The following MAPKAPK3 variants were observed in gnomAD, a reference collection of about 807,000 sequenced individuals.
MAPKAPK3 encodes MAP kinase-activated protein kinase 3.
Under a neutral mutation model 49.2 loss-of-function variants are expected in MAPKAPK3, and 35 were observed. The observed-to-expected ratio is 0.71, with a 90% CI of 0.54 to 0.94. MAPKAPK3 has a LOEUF of 0.94. Among genes scored for constraint, MAPKAPK3 ranks in the 40% least tolerant of loss-of-function variants. The pLI is 0.00. For synonymous variants in MAPKAPK3, 178 were observed against 188.7 expected, an observed-to-expected ratio of 0.94 and a Z score of 0.46; for missense variants, 398 against 493.1, an observed-to-expected ratio of 0.81 and a Z score of 1.83.
upstream of MAPKAPK3, among the ~76,000 whole-genome samples, chr3:50,616,685 A>G (rs781333843): frequency 6.6e-6 from 1 of 152,106 alleles, no homozygotes; most frequent in African/African-American, 2.4e-5. Context: ...GAATTCAACA[A>G]CGACAAGATG....
At chr3:50,611,568 A>C (rs1048903912), upstream of MAPKAPK3, 8 of 1,525,750 alleles carry the variant, frequency 5.2e-6, no homozygotes, top group African/African-American at 1.1e-4. Flanking sequence ...AGCTAGCACG[A>C]AGCCCCTGTT....
At chr3:50,618,390 G>T in intron 2 of MAPKAPK3, among the ~76,000 whole-genome samples, 1 of 152,306 alleles carries the variant, frequency 6.6e-6, no homozygotes, top group East Asian at 1.9e-4. Context: ...ACCCACCCCT[G>T]GTTCCTGGGC....
chr3:50,644,751 C>T (rs982210136), intron 6 of MAPKAPK3, among the ~76,000 whole-genome samples: 1 of 152,248 alleles, frequency 6.6e-6, no homozygotes, highest in Non-Finnish European at 1.5e-5. Flanking sequence ...CAGGAAAATT[C>T]TGGCTGTGGC....
At chr3:50,647,346 C>G in intron 10 of MAPKAPK3, 143 bp downstream of exon 10, 1 of 661,870 alleles carries the variant, frequency 1.5e-6, no homozygotes, top group Non-Finnish European at 2.7e-6. Flanking sequence ...CGCAGTGGTC[C>G]AACCATGGCA....
intron 5 of MAPKAPK3, among the ~76,000 whole-genome samples, chr3:50,642,954 C>T (rs559747552): frequency 2.0e-5 from 3 of 152,264 alleles, no homozygotes; most frequent in Admixed American, 6.5e-5. Flanking sequence ...CAGGTTTAAG[C>T]GATTCTCCTG....
At chr3:50,635,076 C>T (rs2033001848) in intron 2 of MAPKAPK3, among the ~76,000 whole-genome samples, 1 of 152,206 alleles carries the variant, frequency 6.6e-6, no homozygotes, top group Non-Finnish European at 1.5e-5. Context: ...AGGGACTGGC[C>T]TAAGGTCATA....
chr3:50,626,846 C>T (rs2032758919), intron 2 of MAPKAPK3, among the ~76,000 whole-genome samples: 1 of 152,206 alleles, frequency 6.6e-6, no homozygotes, highest in African/African-American at 2.4e-5. Flanking sequence ...AGCCATTCCT[C>T]TCTGCGTGTG....
At chr3:50,640,584 T>C in intron 3 of MAPKAPK3, 79 bp downstream of exon 3, 1 of 1,487,718 alleles carries the variant, frequency 6.7e-7, no homozygotes, top group South Asian at 1.4e-5. Context: ...TCTAGGGGCT[T>C]TCTTTGTTTT....
chr3:50,612,168 T>G (rs2032350931), upstream of MAPKAPK3: 8 of 153,844 alleles, frequency 5.2e-5, no homozygotes, highest in Admixed American at 5.2e-4. Flanking sequence ...GTCGGGGAAG[T>G]TAAGGAGGGG....
intron 2 of MAPKAPK3, among the ~76,000 whole-genome samples, chr3:50,634,752 A>G (rs947273644): frequency 6.6e-6 from 1 of 152,094 alleles, no homozygotes; most frequent in Non-Finnish European, 1.5e-5. Context: ...CGGTCTCCCA[A>G]AATGTTAGGA....
upstream of MAPKAPK3, among the ~76,000 whole-genome samples, chr3:50,615,199 C>G (rs973496496): frequency 1.3e-5 from 2 of 152,142 alleles, no homozygotes; most frequent in Non-Finnish European, 2.9e-5. Flanking sequence ...TTGGCTCCCC[C>G]CAGCAGTAGA....
In MAPKAPK3 at chr3:50,622,952, C is replaced by T. The variant is rs1272838038; in HGVS notation, c.219+5168C>T. Among the ~76,000 whole-genome samples the T allele has an allele frequency of 1.3e-5, 2 of 152,244 alleles. 1 individual carries two copies. Among genetic ancestry groups the T allele is most frequent in the African/African-American group, 4.8e-5 (2 of 41,460 alleles). ...AGAGCCCAGTACCCTGGATGCCTCACTCTCCCTGGGGGGATGGTGCCCACT... is the reference window on the plus strand; with the variant it reads ...AGAGCCCAGTACCCTGGATGCCTCATTCTCCCTGGGGGGATGGTGCCCACT... On this transcript the variant is annotated intron_variant, in intron 2 of 10. Transcript: ENST00000621469.
Position 50,617,627 on chromosome 3 carries a change from G to A in MAPKAPK3, c.62G>A (p.Gly21Glu), listed in dbSNP as rs776254646. The change falls in exon 2 of 11, where the codon GGA becomes GAA. Residue 21 changes from glycine to glutamate, a missense_variant. Around this residue, in one of 5 missense-constraint regions of MAPKAPK3, gnomAD observed 123 missense variants for 117.7 expected, o/e 1.04. Transcript: ENST00000621469. ...GTGCCCCCGCCAGTTGCACCCGGCG[G>A]ACCCGGCTTGGGCGGTGCTCCGGGG... The part of the protein sequence containing the change: ...GPVPPPVAPG[G>E]PGLGGAPGGR... The A allele has an allele frequency of 1.1e-5, 18 of 1,607,940 alleles. No homozygotes were observed. The highest frequency in any genetic ancestry group is 1.5e-5 in the Non-Finnish European group (18 of 1,175,856).
chr3:50,642,977 A>G (rs2033210078), intron 5 of MAPKAPK3, among the ~76,000 whole-genome samples: 1 of 152,160 alleles, frequency 6.6e-6, no homozygotes. Flanking sequence ...TCAGCCTCCC[A>G]AGTAGCTGGG....
intron 10 of MAPKAPK3, 79 bp downstream of exon 10, chr3:50,647,282 G>C: frequency 8.1e-7 from 1 of 1,236,254 alleles, no homozygotes; most frequent in Non-Finnish European, 1.2e-6. Flanking sequence ...GCTACCCAGG[G>C]TCTGGGGTCT....
At chr3:50,646,981 G>T in intron 9 of MAPKAPK3, 142 bp from the exon 10 acceptor site, 1 of 1,024,392 alleles carries the variant, frequency 9.8e-7, no homozygotes, top group Non-Finnish European at 1.5e-6. Flanking sequence ...ACCTGGCTTT[G>T]TCACTGCCCT....
At position 50,642,086 on chromosome 3, in the gene MAPKAPK3, G is replaced by A. The variant is rs544369487; in HGVS notation, c.425-167G>A. 3.9e-5 allele frequency among the ~76,000 whole-genome samples: 6 copies of A among 152,304 alleles called. No individual in the cohort carries two copies. The East Asian group carries it at 7.7e-4, about 20-fold the overall frequency. On this transcript the variant is annotated intron_variant, in intron 4 of 10. Transcript: ENST00000621469. ...GGGTATCCTCGGAGGAAACTGGGGT[G>A]TCTGGGGTGGCGTAGACATCCCGGG...
At chr3:50,614,698 G>A (rs1401120799), upstream of MAPKAPK3, among the ~76,000 whole-genome samples, 2 of 152,246 alleles carry the variant, frequency 1.3e-5, no homozygotes, top group African/African-American at 4.8e-5. Context: ...CATTGTGGAG[G>A]GGATGCTGCA....
At chr3:50,646,717 C>T (rs762956735) in intron 8 of MAPKAPK3, 23 bp from the exon 9 acceptor site, 5 of 1,604,368 alleles carry the variant, frequency 3.1e-6, no homozygotes, top group Non-Finnish European at 4.3e-6. Flanking sequence ...TCATCTCTCC[C>T]CTCTCTTCCC....
Sources: allele counts gnomAD v4.1 joint callset (sites outside exome capture counted in the v4.1 genomes callset), GRCh38; gene constraint gnomAD v4.1.1; regional missense constraint gnomAD v4.1.1; transcripts MANE v1.5; gene names NCBI Gene and HGNC (gene_info 2026-07-23, HGNC 2026-07-21).